The following CYFIP1 variants were observed in gnomAD, a reference collection of about 807,000 sequenced individuals.
CYFIP1 encodes cytoplasmic FMR1-interacting protein 1.
In CYFIP1, 58 loss-of-function variants were observed where a neutral mutation model predicts 163.5. The observed-to-expected ratio is 0.35, with a 90% CI of 0.29 to 0.44. The LOEUF (loss-of-function observed/expected upper bound fraction) is 0.44, where lower values mean the gene tolerates loss of function less well. Among genes scored for constraint, CYFIP1 ranks in the 20% least tolerant of loss-of-function variants. The probability of loss-of-function intolerance (pLI) is 1.00; values close to 1 mark genes in which losing one functional copy is unlikely to be tolerated. For missense variants in CYFIP1, 1,338 were observed against 1,653.8 expected (o/e 0.81, Z 3.31); for synonymous variants, 663 against 660.7 (o/e 1.00, Z -0.05).
intron 26 of CYFIP1, among the ~76,000 whole-genome samples, chr15:22,879,681 G>T (rs1031985354): frequency 6.6e-6 from 1 of 151,988 alleles, no homozygotes; most frequent in African/African-American, 2.4e-5. Flanking sequence ...ACAGTTTTAT[G>T]ACGTTAACAC....
At chr15:22,936,834 A>G (rs1326046588) in intron 9 of CYFIP1, among the ~76,000 whole-genome samples, 3 of 152,204 alleles carry the variant, frequency 2.0e-5, no homozygotes, top group South Asian at 4.1e-4. Flanking sequence ...TGCACCTCAC[A>G]AACAAGAGGC....
intron 21 of CYFIP1, among the ~76,000 whole-genome samples, chr15:22,905,895 G>A (rs1054622334): frequency 5.9e-5 from 9 of 151,418 alleles, no homozygotes; most frequent in African/African-American, 2.2e-4. Context: ...GAGTAAGCTG[G>A]GACTACAGGT....
At chr15:22,951,659 G>C in intron 1 of CYFIP1, 1 of 843,140 alleles carries the variant, frequency 1.2e-6, no homozygotes, top group Non-Finnish European at 1.6e-6. Context: ...CAAGAAGACA[G>C]GTCGGACCGA....
chr15:22,963,561 A>T (rs72696045), intron 1 of CYFIP1, among the ~76,000 whole-genome samples: 6,267 of 99,276 alleles, frequency 0.063, 251 homozygotes, highest in East Asian at 0.11. Context: ...TAACATAAGA[A>T]AGAATGAAAT....
intron 11 of CYFIP1, among the ~76,000 whole-genome samples, chr15:22,929,004 A>C (rs2061447219): frequency 6.6e-6 from 1 of 151,792 alleles, no homozygotes; most frequent in South Asian, 2.1e-4. Context: ...GGATTGCCTG[A>C]GGTCAGGAGT....
At chr15:22,956,082 C>T (rs2062439766) in intron 1 of CYFIP1, among the ~76,000 whole-genome samples, 1 of 152,094 alleles carries the variant, frequency 6.6e-6, no homozygotes. Flanking sequence ...TGGTAGGTGC[C>T]TGTAATCCCA....
At chr15:22,903,666 G>A (rs2060473305) in intron 22 of CYFIP1, 40 bp downstream of exon 22, 2 of 1,607,610 alleles carry the variant, frequency 1.2e-6, no homozygotes, top group Non-Finnish European at 1.7e-6. Context: ...GGGTCCCTGA[G>A]CGCCTCGCCT....
intron 28 of CYFIP1, among the ~76,000 whole-genome samples, chr15:22,874,324 C>CGT (rs1488767002): frequency 6.6e-6 from 1 of 152,234 alleles, no homozygotes; most frequent in African/African-American, 2.4e-5. Context: ...GTAAGCCTTA[C>CGT]GTGCCAGGTG....
intron 10 of CYFIP1, among the ~76,000 whole-genome samples, chr15:22,933,435 C>A (rs2142235511): frequency 6.6e-6 from 1 of 152,056 alleles, no homozygotes; most frequent in African/African-American, 2.4e-5. Flanking sequence ...CTACCTCAGC[C>A]TCCCAAGTAG....
chr15:22,923,817 C>T (rs1300993381), intron 13 of CYFIP1, among the ~76,000 whole-genome samples: 1 of 151,660 alleles, frequency 6.6e-6, no homozygotes, highest in Non-Finnish European at 1.5e-5. Flanking sequence ...GTGGTTTGTG[C>T]CTGTGGTCCT....
At chr15:22,951,340 T>C in intron 1 of CYFIP1, 1 of 1,175,698 alleles carries the variant, frequency 8.5e-7, no homozygotes, top group Non-Finnish European at 1.1e-6. Context: ...CACAGCTTCC[T>C]GTTCCACACA....
chr15:22,893,372 CA>C (rs2060134984), intron 22 of CYFIP1, among the ~76,000 whole-genome samples: 1 of 152,174 alleles, frequency 6.6e-6, no homozygotes, highest in Admixed American at 6.5e-5. Context: ...CAGGGAAGGA[CA>C]GGGACACTTA....
At position 22,943,151 on chromosome 15, in the gene CYFIP1, A is replaced by G. The variant is rs766832714; in HGVS notation, c.569+22T>C. ...GCTGGGTGCTCTCGGGAGGGCCCGC[A>G]GTGCGCGAGGTGGGTGCTCACCTCT... On this transcript the variant is annotated intron_variant, in intron 6 of 30. Transcript: ENST00000617928. 3.2e-5 allele frequency: 52 copies of G among 1,610,892 alleles called. 1 individual carries two copies. The highest frequency in any genetic ancestry group is 4.2e-5 in the Non-Finnish European group (50 of 1,177,858).
At chr15:22,923,614 A>G (rs2061258574) in intron 13 of CYFIP1, among the ~76,000 whole-genome samples, 1 of 151,962 alleles carries the variant, frequency 6.6e-6, no homozygotes, top group African/African-American at 2.4e-5. Flanking sequence ...CAATCAAAAG[A>G]AATGAAAACC....
chr15:22,913,527 C>CAAAAAAAAAAA (rs35228444), intron 17 of CYFIP1, among the ~76,000 whole-genome samples: 4 of 10,282 alleles, frequency 3.9e-4, no homozygotes, highest in Non-Finnish European at 5.1e-4. Flanking sequence ...GGCTCTGTCT[C>CAAAAAAAAAAA]AAAAAAAAAA....
chr15:22,959,754 A>G (rs543384166), intron 1 of CYFIP1, among the ~76,000 whole-genome samples: 30 of 152,276 alleles, frequency 2.0e-4, no homozygotes, highest in African/African-American at 7.2e-4. Flanking sequence ...CCGGCTGAGG[A>G]ACAGGCGCCA....
At position 22,944,561 on chromosome 15, in the gene CYFIP1, GA is replaced by G; in HGVS notation, c.383del (p.Phe128SerfsTer13). The G allele has an allele frequency of 6.2e-7, 1 of 1,608,416 alleles. No individual in the cohort carries two copies. Among genetic ancestry groups the G allele is most frequent in the Non-Finnish European group, 8.5e-7 (1 of 1,175,470 alleles). On this transcript the variant is annotated frameshift_variant, in exon 5 of 31. Coordinates refer to ENST00000617928, the MANE Select transcript of CYFIP1 (RefSeq NM_014608.6). LOFTEE classifies it high-confidence loss of function. ...CCCAGATTATTTGCCATTTTACCTG[GA>G]AGTACATGAAATTCATCAGTTTTGT... ...EVTKLMNFMY[F>X]QRNAIERFCG...
intron 21 of CYFIP1, chr15:22,904,175 G>A (rs989636967): frequency 3.2e-5 from 17 of 532,158 alleles, no homozygotes; most frequent in Middle Eastern, 5.1e-4. Flanking sequence ...CAGCGTGCAC[G>A]TGTGGCCTGC....
At chr15:22,904,516 C>T (rs1283420846) in intron 21 of CYFIP1, 1 of 154,578 alleles carries the variant, frequency 6.5e-6, no homozygotes, top group Non-Finnish European at 1.4e-5. Flanking sequence ...AGCAAATACC[C>T]ACCTCAACTA....
Sources: gnomAD v4.1 joint callset for allele counts (sites outside exome capture counted in the v4.1 genomes callset) on GRCh38, gnomAD v4.1.1 for gene constraint, MANE v1.5 for transcripts, NCBI Gene and HGNC (gene_info 2026-07-23, HGNC 2026-07-21) for gene names.